TAFA2: variants seen among roughly 807,000 people sequenced by gnomAD.
TAFA2 encodes the protein chemokine-like protein TAFA-2.
TAFA2 carries 7 observed loss-of-function variants against 18.8 expected under a neutral mutation model. The ratio of observed to expected loss-of-function variants is 0.37; its 90% CI spans 0.21 to 0.70. The LOEUF is 0.70. Ranked by LOEUF, TAFA2 falls within the 30% of genes least tolerant of loss-of-function variation. TAFA2 has a pLI of 0.53. For synonymous variants in TAFA2, 60 were observed against 54.2 expected, an observed-to-expected ratio of 1.11 and a Z score of -0.47; for missense variants, 122 against 158.1, an observed-to-expected ratio of 0.77 and a Z score of 1.23.
intron 1 of TAFA2, among the ~76,000 whole-genome samples, chr12:61,891,241 T>G (rs1875619284): frequency 6.6e-6 from 1 of 151,538 alleles, no homozygotes; most frequent in African/African-American, 2.4e-5. Flanking sequence ...AAACCAGCTG[T>G]GAGGAAGAAG....
At chr12:62,082,900 G>A (rs1868344959) in intron 1 of TAFA2, among the ~76,000 whole-genome samples, 1 of 152,100 alleles carries the variant, frequency 6.6e-6, no homozygotes, top group East Asian at 1.9e-4. Context: ...CTATTAATCT[G>A]CATTGCTCTA....
chr12:62,223,800 T>C (rs916331810), intron 1 of TAFA2, among the ~76,000 whole-genome samples: 1 of 152,166 alleles, frequency 6.6e-6, no homozygotes, highest in African/African-American at 2.4e-5. Flanking sequence ...TTAAATTTTG[T>C]GCATCAAAAA....
chr12:61,824,975 T>C (rs1298691918), intron 2 of TAFA2, among the ~76,000 whole-genome samples: 1 of 152,208 alleles, frequency 6.6e-6, no homozygotes, highest in Admixed American at 6.6e-5. Flanking sequence ...TGAGCCCATC[T>C]ATGATGTTTG....
intron 1 of TAFA2, among the ~76,000 whole-genome samples, chr12:62,004,193 A>G (rs1350298056): frequency 1.3e-5 from 2 of 152,204 alleles, no homozygotes; most frequent in Non-Finnish European, 2.9e-5. Flanking sequence ...GCAGCCATAC[A>G]TAATTAAAGA....
intron 2 of TAFA2, among the ~76,000 whole-genome samples, chr12:61,842,755 C>T (rs181094894): frequency 6.6e-5 from 10 of 152,190 alleles, no homozygotes; most frequent in Admixed American, 2.0e-4. Flanking sequence ...GACCGAAACA[C>T]TGGGATAAAA....
At chr12:61,847,171 C>G (rs969716015) in intron 2 of TAFA2, among the ~76,000 whole-genome samples, 1 of 152,190 alleles carries the variant, frequency 6.6e-6, no homozygotes, top group Non-Finnish European at 1.5e-5. Context: ...TCTGTATTAT[C>G]TCTTCTGCTG....
At chr12:61,931,760 A>G (rs1877564079) in intron 1 of TAFA2, among the ~76,000 whole-genome samples, 1 of 152,170 alleles carries the variant, frequency 6.6e-6, no homozygotes, top group Non-Finnish European at 1.5e-5. Context: ...GGGCTTATAT[A>G]GCAACTTTAT....
intron 2 of TAFA2, among the ~76,000 whole-genome samples, chr12:61,786,339 G>A (rs1221673202): frequency 6.6e-6 from 1 of 151,496 alleles, no homozygotes; most frequent in African/African-American, 2.4e-5. Flanking sequence ...CCATTTCCAA[G>A]TAACCTGTGT....
intron 2 of TAFA2, among the ~76,000 whole-genome samples, chr12:61,824,668 C>G (rs1021458589): frequency 2.0e-4 from 30 of 152,192 alleles, no homozygotes; most frequent in Non-Finnish European, 3.5e-4. Context: ...TTTGGCCATT[C>G]CTTGCATCTA....
chr12:61,906,197 A>G (rs1185708511), intron 1 of TAFA2, among the ~76,000 whole-genome samples: 1 of 152,114 alleles, frequency 6.6e-6, no homozygotes, highest in Non-Finnish European at 1.5e-5. Flanking sequence ...ACTCTTTTAC[A>G]AAGTGATATG....
intron 2 of TAFA2, among the ~76,000 whole-genome samples, chr12:61,804,073 A>G (rs1030677216): frequency 1.3e-5 from 2 of 151,968 alleles, no homozygotes; most frequent in Non-Finnish European, 2.9e-5. Flanking sequence ...CATTTGTTCA[A>G]AGATTCCTAG....
intron 1 of TAFA2, among the ~76,000 whole-genome samples, chr12:62,181,544 C>T (rs569609335): frequency 5.9e-5 from 9 of 152,298 alleles, no homozygotes; most frequent in African/African-American, 1.9e-4. Flanking sequence ...CTATATTAAT[C>T]ATACAACTTG....
intron 2 of TAFA2, among the ~76,000 whole-genome samples, chr12:61,836,292 G>A (rs1446890474): frequency 2.0e-5 from 3 of 151,930 alleles, no homozygotes; most frequent in Non-Finnish European, 4.4e-5. Flanking sequence ...TGAAGAGTTA[G>A]ATGTGAGTGA....
chr12:62,085,598 T>C (rs1868417448), intron 1 of TAFA2, among the ~76,000 whole-genome samples: 1 of 152,284 alleles, frequency 6.6e-6, no homozygotes, highest in East Asian at 1.9e-4. Flanking sequence ...TGCCAATCCC[T>C]GATTTAAGGA....
At chr12:61,795,312 T>A (rs1230166831) in intron 2 of TAFA2, among the ~76,000 whole-genome samples, 1 of 152,006 alleles carries the variant, frequency 6.6e-6, no homozygotes, top group Non-Finnish European at 1.5e-5. Flanking sequence ...TCACAATAGC[T>A]AAGACTTGGA....
intron 1 of TAFA2, among the ~76,000 whole-genome samples, chr12:61,967,148 T>C (rs1879095230): frequency 6.6e-6 from 1 of 151,826 alleles, no homozygotes; most frequent in Non-Finnish European, 1.5e-5. Context: ...ATGTGACATT[T>C]GAGTGCATCT....
chr12:61,865,927 C>G (rs574259533), intron 2 of TAFA2, among the ~76,000 whole-genome samples: 100 of 152,180 alleles, frequency 6.6e-4, no homozygotes, highest in African/African-American at 2.4e-3. Flanking sequence ...CACGGCAGGG[C>G]TTGGCCCTAC....
intron 1 of TAFA2, among the ~76,000 whole-genome samples, chr12:61,910,097 TGTTTGTG>T (rs1876539084): frequency 1.1e-4 from 10 of 93,800 alleles, no homozygotes; most frequent in African/African-American, 4.2e-4. Context: ...TGTGTGTGTG[TGTTTGTG>T]TGTGTGTGTG....
chr12:62,194,975 T>C (rs996139058), upstream of TAFA2, among the ~76,000 whole-genome samples: 4 of 152,230 alleles, frequency 2.6e-5, no homozygotes, highest in Non-Finnish European at 5.9e-5. Flanking sequence ...AGTGTACTGA[T>C]GATCTGAGCC....
Sources: allele counts gnomAD v4.1 joint callset (sites outside exome capture counted in the v4.1 genomes callset), GRCh38; gene constraint gnomAD v4.1.1; transcripts MANE v1.5; gene names NCBI Gene and HGNC (gene_info 2026-07-23, HGNC 2026-07-21).